RGL1: variants seen among roughly 807,000 people sequenced by gnomAD.
RGL1 encodes the protein ral guanine nucleotide dissociation stimulator like 1.
A neutral mutation model predicts 95.2 loss-of-function variants in RGL1; 24 were observed. The observed-to-expected ratio is 0.25, with a 90% CI of 0.18 to 0.35. RGL1 has a LOEUF of 0.35. RGL1 is among the 10% of genes least tolerant of loss of function. The pLI, the probability that RGL1 is intolerant of heterozygous loss-of-function variation, is 1.00. For synonymous variants in RGL1, 329 were observed against 344.9 expected, an observed-to-expected ratio of 0.95 and a Z score of 0.51; for missense variants, 715 against 936.3, an observed-to-expected ratio of 0.76 and a Z score of 3.08.
chr1:183,826,227 G>C lies in RGL1; in HGVS notation c.138+19742G>C, dbSNP rs535281788. Among the ~76,000 whole-genome samples, 265 of 152,072 alleles carry C rather than the reference G, an allele frequency of 1.7e-3. 2 individuals are homozygous for C. Among genetic ancestry groups the C allele is most frequent in the African/African-American group, 6.1e-3 (251 of 41,480 alleles). ...CACCACCACACCCAGCTAAGTTTTTGTATTTTTAGTAGAGACGGACTTTCA... is the reference window on the plus strand; with the variant it reads ...CACCACCACACCCAGCTAAGTTTTTCTATTTTTAGTAGAGACGGACTTTCA... On this transcript the variant is annotated intron_variant, in intron 2 of 17. Transcript: ENST00000360851.
intron 1 of RGL1, among the ~76,000 whole-genome samples, chr1:183,726,433 A>G (rs1450256069): frequency 6.6e-6 from 1 of 152,062 alleles, no homozygotes; most frequent in African/African-American, 2.4e-5. Flanking sequence ...TAGATAATGA[A>G]AAAGGGGACA....
At chr1:183,681,605 A>T (rs2102079183) in intron 1 of RGL1, among the ~76,000 whole-genome samples, 1 of 152,302 alleles carries the variant, frequency 6.6e-6, no homozygotes, top group East Asian at 1.9e-4. Flanking sequence ...TTTTGCATCG[A>T]TGTTCATCAA....
chr1:183,704,698 A>T (rs970596873), intron 1 of RGL1, among the ~76,000 whole-genome samples: 1 of 152,166 alleles, frequency 6.6e-6, no homozygotes, highest in African/African-American at 2.4e-5. Flanking sequence ...TAGCATGGTG[A>T]TGTGGGGAGT....
chr1:183,848,222 T>C (rs1370452421), intron 3 of RGL1, among the ~76,000 whole-genome samples: 1 of 152,182 alleles, frequency 6.6e-6, no homozygotes, highest in Non-Finnish European at 1.5e-5. Context: ...GATGATGCGA[T>C]GATGATGATA....
At chr1:183,915,778 C>G (rs954945677) in intron 15 of RGL1, among the ~76,000 whole-genome samples, 2 of 152,230 alleles carry the variant, frequency 1.3e-5, no homozygotes, top group Admixed American at 6.5e-5. Context: ...TCATCAGCCA[C>G]AGGCTGAGCC....
At chr1:183,672,498 G>T (rs1652535540) in intron 1 of RGL1, among the ~76,000 whole-genome samples, 1 of 151,990 alleles carries the variant, frequency 6.6e-6, no homozygotes, top group African/African-American at 2.4e-5. Context: ...TTTTGCAGTG[G>T]CTATAAAAAT....
intron 2 of RGL1, among the ~76,000 whole-genome samples, chr1:183,786,926 A>C (rs866725937): frequency 1.3e-5 from 2 of 152,256 alleles, no homozygotes; most frequent in Non-Finnish European, 2.9e-5. Flanking sequence ...GAAAAGTGAC[A>C]GAAAACACTA....
chr1:183,648,474 C>G, intron 1 of RGL1: 1 of 1,614,168 alleles, frequency 6.2e-7, no homozygotes, highest in African/African-American at 1.3e-5. Flanking sequence ...GTCAAGATAA[C>G]CATTCATTTC....
intron 1 of RGL1, among the ~76,000 whole-genome samples, chr1:183,731,572 T>C (rs1043343243): frequency 1.3e-5 from 2 of 152,168 alleles, no homozygotes; most frequent in African/African-American, 4.8e-5. Context: ...CCTTAAGCAT[T>C]AAAGTTACAA....
intron 2 of RGL1, among the ~76,000 whole-genome samples, chr1:183,773,624 CAT>C (rs1298826173): frequency 5.9e-5 from 9 of 152,196 alleles, no homozygotes; most frequent in African/African-American, 2.2e-4. Context: ...GAATCAGCAA[CAT>C]ATGTGTGTAG....
At chr1:183,746,982 A>T (rs1471052746) in intron 2 of RGL1, among the ~76,000 whole-genome samples, 2 of 151,998 alleles carry the variant, frequency 1.3e-5, no homozygotes, top group African/African-American at 4.8e-5. Flanking sequence ...AAGGACATGA[A>T]CTCATCTTTT....
At chr1:183,841,189 T>C (rs1457282697) in intron 2 of RGL1, among the ~76,000 whole-genome samples, 1 of 152,158 alleles carries the variant, frequency 6.6e-6, no homozygotes, top group Non-Finnish European at 1.5e-5. Flanking sequence ...GATGAATAAA[T>C]GGAAAAGACA....
At chr1:183,770,694 C>T (rs546937717) in intron 2 of RGL1, among the ~76,000 whole-genome samples, 2 of 152,176 alleles carry the variant, frequency 1.3e-5, no homozygotes, top group East Asian at 1.9e-4. Context: ...GGAAGTCAGG[C>T]GATCATGACG....
At chr1:183,707,446 C>T (rs1438624702) in intron 1 of RGL1, among the ~76,000 whole-genome samples, 1 of 152,148 alleles carries the variant, frequency 6.6e-6, no homozygotes, top group African/African-American at 2.4e-5. Context: ...CCTGCTACTT[C>T]CCAAAGTGGG....
chr1:183,814,487 T>C (rs1186292605), intron 2 of RGL1, among the ~76,000 whole-genome samples: 1 of 152,216 alleles, frequency 6.6e-6, no homozygotes, highest in East Asian at 1.9e-4. Flanking sequence ...GCTTATGCCA[T>C]CTGTGGTCCA....
chr1:183,762,845 A>T (rs1009016215), intron 2 of RGL1, among the ~76,000 whole-genome samples: 6 of 152,216 alleles, frequency 3.9e-5, no homozygotes, highest in African/African-American at 1.4e-4. Context: ...TTCCTCAAGG[A>T]TCTAGAACCA....
At position 183,848,554 on chromosome 1, in the gene RGL1, C is replaced by A. The variant is rs114573611; in HGVS notation, c.347+780C>A. The stretch of plus-strand genomic sequence containing the variant: ...AAATGAGATACGGCTTTCTGTTGGG[C>A]TTGTTGAGTATTGATGTTTGTTAAC... On this transcript the variant is annotated intron_variant, in intron 3 of 17. Transcript: ENST00000360851. Among the ~76,000 whole-genome samples, 957 of 152,208 alleles carry A rather than the reference C, an allele frequency of 6.3e-3. 8 individuals carry two copies. Among genetic ancestry groups the A allele is most frequent in the African/African-American group, 0.022 (915 of 41,518 alleles).
intron 2 of RGL1, among the ~76,000 whole-genome samples, chr1:183,780,075 A>G (rs1441979463): frequency 6.6e-6 from 1 of 152,248 alleles, no homozygotes; most frequent in Non-Finnish European, 1.5e-5. Flanking sequence ...ACTCACCTTG[A>G]TTCCAGTTTC....
intron 1 of RGL1, among the ~76,000 whole-genome samples, chr1:183,664,762 T>C (rs1009380447): frequency 1.6e-4 from 25 of 152,174 alleles, no homozygotes; most frequent in African/African-American, 5.8e-4. Flanking sequence ...TGTAATTGCT[T>C]ATTATAGTTC....
Sources: gnomAD v4.1 joint callset for allele counts (sites outside exome capture counted in the v4.1 genomes callset) on GRCh38, gnomAD v4.1.1 for gene constraint, MANE v1.5 for transcripts, NCBI Gene and HGNC (gene_info 2026-07-23, HGNC 2026-07-21) for gene names.